Variants in CUX2 observed in about 807,000 individuals in gnomAD.
CUX2 encodes the protein homeobox protein cut-like 2.
CUX2 carries 40 observed loss-of-function variants against 144.8 expected under a neutral mutation model. The observed-to-expected ratio is 0.28, with a 90% CI of 0.21 to 0.36. The LOEUF (loss-of-function observed/expected upper bound fraction) is 0.36, where lower values mean the gene tolerates loss of function less well. Among genes scored for constraint, CUX2 ranks in the 10% least tolerant of loss-of-function variants. CUX2 has a pLI of 1.00. For synonymous variants in CUX2, 827 were observed against 875.6 expected, an observed-to-expected ratio of 0.94 and a Z score of 0.98; for missense variants, 1,615 against 1,994.0, an observed-to-expected ratio of 0.81 and a Z score of 3.62.
chr12:111,315,958 G>A (rs1887168865), intron 16 of CUX2, among the ~76,000 whole-genome samples: 1 of 152,162 alleles, frequency 6.6e-6, no homozygotes, highest in South Asian at 2.1e-4. Context: ...ATGTAGTTTA[G>A]AAAACAGACT....
chr12:111,318,817 A>T (rs1332670267), intron 16 of CUX2, among the ~76,000 whole-genome samples: 1 of 151,978 alleles, frequency 6.6e-6, no homozygotes, highest in Non-Finnish European at 1.5e-5. Context: ...GGTGTGAGCC[A>T]CCACGCCTGG....
At chr12:111,097,104 C>A (rs1412194592) in intron 1 of CUX2, among the ~76,000 whole-genome samples, 1 of 152,206 alleles carries the variant, frequency 6.6e-6, no homozygotes, top group Non-Finnish European at 1.5e-5. Context: ...TCGGACAGAG[C>A]CCAGCACCCC....
intron 1 of CUX2, among the ~76,000 whole-genome samples, chr12:111,127,289 T>A (rs933663763): frequency 6.6e-6 from 1 of 152,248 alleles, no homozygotes; most frequent in Admixed American, 6.5e-5. Context: ...CCTGGGCAAG[T>A]GACCCAACTT....
In CUX2 at chr12:111,100,462, C is replaced by T. The variant is rs369088850; in HGVS notation, c.63+66222C>T. Among the ~76,000 whole-genome samples the T allele has an allele frequency of 3.3e-5, 5 of 151,942 alleles. No individual in the cohort carries two copies. In the South Asian group the frequency reaches 1.0e-3, roughly 32 times the overall value. On this transcript the variant is annotated intron_variant, in intron 1 of 21. Coordinates refer to ENST00000261726, the MANE Select transcript of CUX2 (RefSeq NM_015267.4). ...GGGTGTGGCTGGGTGTGGGTCTTGGCCCTCTGTGTCTTTCTGTTTGTGCGG... is the reference window on the plus strand; with the variant it reads ...GGGTGTGGCTGGGTGTGGGTCTTGGTCCTCTGTGTCTTTCTGTTTGTGCGG...
At chr12:111,114,255 T>C (rs1193423767) in intron 1 of CUX2, among the ~76,000 whole-genome samples, 3 of 152,182 alleles carry the variant, frequency 2.0e-5, no homozygotes. Flanking sequence ...TTTGATATTA[T>C]CATTTTTTTT....
chr12:111,145,672 ATTTAT>A (rs1175080638), intron 1 of CUX2, among the ~76,000 whole-genome samples: 1 of 150,594 alleles, frequency 6.6e-6, no homozygotes, highest in East Asian at 2.0e-4. Context: ...TCGGCTATTT[ATTTAT>A]TTATTTTGAG....
intron 1 of CUX2, among the ~76,000 whole-genome samples, chr12:111,189,878 G>A (rs1358953752): frequency 2.6e-5 from 4 of 152,096 alleles, no homozygotes; most frequent in South Asian, 2.1e-4. Context: ...GCTGGAGCAC[G>A]GGGAGGCATA....
intron 3 of CUX2, among the ~76,000 whole-genome samples, chr12:111,228,249 C>G (rs988093314): frequency 6.6e-6 from 1 of 152,166 alleles, no homozygotes; most frequent in Non-Finnish European, 1.5e-5. Context: ...TGGAACCAGA[C>G]TGCCTGGGTT....
intron 9 of CUX2, among the ~76,000 whole-genome samples, chr12:111,302,109 TAAA>T (rs1886321177): frequency 6.6e-6 from 1 of 152,180 alleles, no homozygotes; most frequent in Non-Finnish European, 1.5e-5. Context: ...TACGTATAAA[TAAA>T]TAATAAATTC....
At chr12:111,112,338 G>T (rs1848763134) in intron 1 of CUX2, among the ~76,000 whole-genome samples, 1 of 152,166 alleles carries the variant, frequency 6.6e-6, no homozygotes, top group African/African-American at 2.4e-5. Context: ...CCGAACCTGG[G>T]TTTGACTGGT....
rs535505038 is a variant in CUX2 at position 111,302,397 on chromosome 12, T to C, written c.754-1813T>C. 5.3e-5 allele frequency among the ~76,000 whole-genome samples: 8 copies of C among 152,316 alleles called. No homozygotes were observed. The South Asian group carries it at 1.5e-3, about 28-fold the overall frequency. ...ATTGCATTTGGCCAAACCACTTCAT[T>C]TGCAGAACAACCCTATGAGATAGTT... On this transcript the variant is annotated intron_variant, in intron 9 of 21. Coordinates refer to ENST00000261726, the MANE Select transcript of CUX2 (RefSeq NM_015267.4).
Position 111,293,254 on chromosome 12 carries a change from G to A in CUX2, c.437-192G>A, listed in dbSNP as rs565785150. Among the ~76,000 whole-genome samples the A allele has an allele frequency of 1.3e-5, 2 of 152,380 alleles. No individual in the cohort carries two copies. Among genetic ancestry groups the A allele is most frequent in the African/African-American group, 2.4e-5 (1 of 41,598 alleles). On this transcript the variant is annotated intron_variant, in intron 5 of 21. Coordinates refer to ENST00000261726, the MANE Select transcript of CUX2 (RefSeq NM_015267.4). This position sits in a 1 kb window ranked among gnomAD's most constrained non-coding sequence, Gnocchi z 4.5. Reference sequence around the variant, plus strand: ...CAAAAGAAGGTCTGCGTGTGCTGACGCTGGTGCCACAGTGGAAATGACCTG... The same window carrying A: ...CAAAAGAAGGTCTGCGTGTGCTGACACTGGTGCCACAGTGGAAATGACCTG...
Position 111,287,599 on chromosome 12 carries a change from A to T in CUX2, c.302-3819A>T, listed in dbSNP as rs1885454044. Reference sequence around the variant, plus strand: ...GCCTGCCTAATGCGCTTGCTGGGTTAATTATGTCAATGTATAATTACATCA... The same window carrying T: ...GCCTGCCTAATGCGCTTGCTGGGTTTATTATGTCAATGTATAATTACATCA... On this transcript the variant is annotated intron_variant, in intron 4 of 21. Coordinates refer to ENST00000261726, the MANE Select transcript of CUX2 (RefSeq NM_015267.4). This position sits in a 1 kb window ranked among gnomAD's most constrained non-coding sequence, Gnocchi z 4.2. Among the ~76,000 whole-genome samples the T allele has an allele frequency of 6.6e-6, 1 of 152,272 alleles. No individual in the cohort carries two copies. The highest frequency in any genetic ancestry group is 1.5e-5 in the Non-Finnish European group (1 of 68,044).
chr12:111,177,165 T>C (rs927936307), intron 1 of CUX2, among the ~76,000 whole-genome samples: 2 of 152,172 alleles, frequency 1.3e-5, no homozygotes, highest in Non-Finnish European at 2.9e-5. Context: ...AGCACCCCTG[T>C]GGCTTATGCA....
chr12:111,245,455 C>T (rs923959025), intron 3 of CUX2, among the ~76,000 whole-genome samples: 1 of 151,736 alleles, frequency 6.6e-6, no homozygotes, highest in South Asian at 2.1e-4. Context: ...TCCAGAAGCA[C>T]AATTTTTCTT....
intron 4 of CUX2, among the ~76,000 whole-genome samples, chr12:111,276,252 G>A (rs1264648625): frequency 6.6e-6 from 1 of 152,128 alleles, no homozygotes; most frequent in East Asian, 1.9e-4. Flanking sequence ...ACTTGGGGAG[G>A]CTGAGGTGGG....
intron 3 of CUX2, among the ~76,000 whole-genome samples, chr12:111,247,662 G>A (rs976205548): frequency 4.6e-5 from 7 of 152,190 alleles, no homozygotes; most frequent in Admixed American, 6.5e-5. Flanking sequence ...AGTCTCAAGA[G>A]GGCGCCTGTT....
At chr12:111,330,716 T>TATATATATACATATAC (rs1888067420) in intron 18 of CUX2, among the ~76,000 whole-genome samples, 1 of 36,946 alleles carries the variant, frequency 2.7e-5, no homozygotes, top group Admixed American at 2.6e-4. Flanking sequence ...TATATATATA[T>TATATATATACATATAC]ATATATATAT....
chr12:111,296,572 C>A, intron 8 of CUX2, 33 bp downstream of exon 8: 1 of 1,585,120 alleles, frequency 6.3e-7, no homozygotes, highest in South Asian at 1.1e-5. Flanking sequence ...TACCTCCTCC[C>A]TTGGAGGCCT....
Sources: gnomAD v4.1 joint callset for allele counts (sites outside exome capture counted in the v4.1 genomes callset) on GRCh38, gnomAD v4.1.1 for gene constraint, Gnocchi (gnomAD v3.1) non-coding constraint, MANE v1.5 for transcripts, NCBI Gene and HGNC (gene_info 2026-07-23, HGNC 2026-07-21) for gene names.